Variants in NUBPL observed in about 807,000 individuals in gnomAD.
NUBPL encodes the protein NUBP iron-sulfur cluster assembly factor, mitochondrial.
In NUBPL, 31 loss-of-function variants were observed where a neutral mutation model predicts 45.7. The ratio of observed to expected loss-of-function variants is 0.68; its 90% CI spans 0.51 to 0.92. The LOEUF is 0.92. NUBPL is among the 40% of genes least tolerant of loss of function. The pLI is 0.00. For synonymous variants in NUBPL, 144 were observed against 140.9 expected (o/e 1.02, Z -0.15); for missense variants, 401 against 398.7 (o/e 1.01, Z -0.05).
chr14:31,625,085 A>G (rs2035168677), intron 4 of NUBPL, among the ~76,000 whole-genome samples: 1 of 152,166 alleles, frequency 6.6e-6, no homozygotes, highest in African/African-American at 2.4e-5. Flanking sequence ...TGAGGGTAGA[A>G]TTTTGGGAAA....
At chr14:31,664,247 C>G (rs138428656) in intron 4 of NUBPL, among the ~76,000 whole-genome samples, 2 of 152,046 alleles carry the variant, frequency 1.3e-5, no homozygotes, top group Non-Finnish European at 2.9e-5. Flanking sequence ...GCTTGATTGC[C>G]GTGGCCAGAA....
intron 3 of NUBPL, among the ~76,000 whole-genome samples, chr14:31,569,746 A>C (rs1161332981): frequency 6.6e-6 from 1 of 152,192 alleles, no homozygotes; most frequent in Non-Finnish European, 1.5e-5. Flanking sequence ...TGTTAGCTTG[A>C]AATAGGCCCA....
intron 8 of NUBPL, 62 bp downstream of exon 8, chr14:31,826,776 T>C (rs2040112529): frequency 7.6e-6 from 11 of 1,445,018 alleles, no homozygotes; most frequent in Admixed American, 5.0e-5. Context: ...AAGCAAGTCA[T>C]TGAAAAATAC....
chr14:31,848,804 T>C (rs754422885), intron 9 of NUBPL, among the ~76,000 whole-genome samples: 5 of 152,334 alleles, frequency 3.3e-5, no homozygotes, highest in African/African-American at 4.8e-5. Context: ...AGAAATGATG[T>C]CAATAGATGG....
In NUBPL at chr14:31,677,340, A is replaced by C. The variant is rs1426781050; in HGVS notation, c.513+3766A>C. ...CATCCCCATTCCCTCCACCCCCACC[A>C]CCCTTCACATCCTCAGGTAACCATC... On this transcript the variant is annotated intron_variant, in intron 6 of 10. Coordinates refer to ENST00000281081, the MANE Select transcript of NUBPL (RefSeq NM_025152.3). Among the ~76,000 whole-genome samples, 7 of 151,360 alleles carry C rather than the reference A, an allele frequency of 4.6e-5. No individual in the cohort carries two copies. In the East Asian group the frequency reaches 1.4e-3, roughly 29 times the overall value.
chr14:31,671,278 T>C (rs2036564254), intron 4 of NUBPL, among the ~76,000 whole-genome samples: 1 of 152,228 alleles, frequency 6.6e-6, no homozygotes, highest in Non-Finnish European at 1.5e-5. Context: ...GTTCATCTAA[T>C]GTTGGACATT....
intron 6 of NUBPL, among the ~76,000 whole-genome samples, chr14:31,757,638 A>G (rs2038699931): frequency 6.6e-6 from 1 of 152,158 alleles, no homozygotes; most frequent in African/African-American, 2.4e-5. Context: ...GGAATGAGTA[A>G]ATAAGACTGG....
intron 4 of NUBPL, among the ~76,000 whole-genome samples, chr14:31,654,886 T>G (rs1229895515): frequency 1.3e-5 from 2 of 152,220 alleles, no homozygotes; most frequent in Admixed American, 1.3e-4. Flanking sequence ...CAATTAAGTT[T>G]ATATAACATT....
At chr14:31,848,912 A>G (rs2040495383) in intron 9 of NUBPL, among the ~76,000 whole-genome samples, 1 of 152,206 alleles carries the variant, frequency 6.6e-6, no homozygotes, top group African/African-American at 2.4e-5. Flanking sequence ...TCATAAATTG[A>G]GAGGAAAAAA....
chr14:31,819,572 C>T (rs987738812), intron 7 of NUBPL, among the ~76,000 whole-genome samples: 4 of 152,160 alleles, frequency 2.6e-5, no homozygotes, highest in African/African-American at 9.7e-5. Context: ...CATCTGGAAT[C>T]ATCAGTTTTA....
In NUBPL at chr14:31,761,019, A is replaced by G. The variant is rs184723832; in HGVS notation, c.514-26761A>G. 2.6e-5 allele frequency among the ~76,000 whole-genome samples: 4 copies of G among 152,228 alleles called. No homozygotes were observed. In the East Asian group the frequency reaches 7.7e-4, roughly 29 times the overall value. On this transcript the variant is annotated intron_variant, in intron 6 of 10. Transcript: ENST00000281081. Reference sequence around the variant, plus strand: ...TCTTACTTTTTACATTTTAAAATTCAAATCCATTCTCATAGGAAAAAGGTT... The same window carrying G: ...TCTTACTTTTTACATTTTAAAATTCGAATCCATTCTCATAGGAAAAAGGTT...
At chr14:31,725,075 T>C (rs901629373) in intron 6 of NUBPL, among the ~76,000 whole-genome samples, 1 of 151,932 alleles carries the variant, frequency 6.6e-6, no homozygotes, top group Non-Finnish European at 1.5e-5. Context: ...ATAAAAGCAA[T>C]TGGAAGTTTA....
At chr14:31,682,125 T>G (rs2036848600) in intron 6 of NUBPL, among the ~76,000 whole-genome samples, 1 of 152,164 alleles carries the variant, frequency 6.6e-6, no homozygotes, top group Non-Finnish European at 1.5e-5. Flanking sequence ...AGAGGAGTGT[T>G]AACATCTCCA....
intron 6 of NUBPL, among the ~76,000 whole-genome samples, chr14:31,677,711 C>T (rs1245404531): frequency 2.6e-5 from 4 of 152,214 alleles, no homozygotes; most frequent in Admixed American, 1.3e-4. Context: ...TAGGGTGACA[C>T]AAGCACCCCT....
At chr14:31,759,640 A>T (rs902096888) in intron 6 of NUBPL, among the ~76,000 whole-genome samples, 4 of 151,704 alleles carry the variant, frequency 2.6e-5, no homozygotes, top group Admixed American at 6.6e-5. Flanking sequence ...TGATTTTTCA[A>T]CTTTACCATG....
intron 6 of NUBPL, among the ~76,000 whole-genome samples, chr14:31,730,588 C>T (rs751600092): frequency 8.6e-5 from 13 of 151,922 alleles, no homozygotes; most frequent in East Asian, 1.9e-4. Flanking sequence ...CTCAGTCTCC[C>T]GAGTAGCTGG....
intron 7 of NUBPL, among the ~76,000 whole-genome samples, chr14:31,824,899 G>A (rs973015401): frequency 6.6e-6 from 1 of 151,954 alleles, no homozygotes; most frequent in African/African-American, 2.4e-5. Flanking sequence ...TTATGTTTAT[G>A]TTAATTATTT....
At chr14:31,732,202 A>AAAAAAAAAAAAAT (rs1246917227) in intron 6 of NUBPL, among the ~76,000 whole-genome samples, 19 of 150,128 alleles carry the variant, frequency 1.3e-4, no homozygotes, top group Non-Finnish European at 2.8e-4. Flanking sequence ...TCAAAAAAAA[A>AAAAAAAAAAAAAT]ATGAAAGAAA....
chr14:31,840,250 C>G (rs1467255205), intron 8 of NUBPL, among the ~76,000 whole-genome samples: 1 of 152,126 alleles, frequency 6.6e-6, no homozygotes, highest in Non-Finnish European at 1.5e-5. Context: ...CACATAGACA[C>G]AGACAATGGA....
Sources: allele counts gnomAD v4.1 joint callset (sites outside exome capture counted in the v4.1 genomes callset), GRCh38; gene constraint gnomAD v4.1.1; transcripts MANE v1.5; gene names NCBI Gene and HGNC (gene_info 2026-07-23, HGNC 2026-07-21).